Variants in TMTC2 observed in about 807,000 individuals in gnomAD.
TMTC2 encodes the protein protein O-mannosyl-transferase TMTC2.
TMTC2 carries 43 observed loss-of-function variants against 82.4 expected under a neutral mutation model. The observed-to-expected ratio is 0.52, with a 90% CI of 0.41 to 0.67. TMTC2 has a LOEUF of 0.67. Ranked by LOEUF, TMTC2 falls within the 30% of genes least tolerant of loss-of-function variation. TMTC2 has a pLI of 0.00. For synonymous variants in TMTC2, 408 were observed against 381.9 expected (o/e 1.07, Z -0.80); for missense variants, 919 against 1,012.4 (o/e 0.91, Z 1.25).
At chr12:82,806,856 G>A (rs934352694) in intron 1 of TMTC2, among the ~76,000 whole-genome samples, 1 of 152,086 alleles carries the variant, frequency 6.6e-6, no homozygotes, top group African/African-American at 2.4e-5. Flanking sequence ...AAGAAAATCT[G>A]TATAAGTGGA....
At chr12:82,976,783 T>C (rs1878694081) in intron 7 of TMTC2, among the ~76,000 whole-genome samples, 1 of 152,084 alleles carries the variant, frequency 6.6e-6, no homozygotes, top group African/African-American at 2.4e-5. Flanking sequence ...TTTCTAGTAG[T>C]GTTTCTAATG....
intron 8 of TMTC2, among the ~76,000 whole-genome samples, chr12:82,987,419 C>CAAAA (rs1236293175): frequency 2.8e-5 from 1 of 35,598 alleles, no homozygotes; most frequent in African/African-American, 1.0e-4. Flanking sequence ...GACTCCATCT[C>CAAAA]AAAAAAAAAA....
chr12:82,688,463 G>A (rs780371613), intron 1 of TMTC2, among the ~76,000 whole-genome samples: 4 of 152,120 alleles, frequency 2.6e-5, no homozygotes, highest in Non-Finnish European at 5.9e-5. Context: ...ATCGATTTCT[G>A]GAAAATGTCA....
chr12:83,090,118 C>T lies in TMTC2; in HGVS notation c.2331+28287C>T, dbSNP rs532735267. ...TCATAATATTCCATGAGATTGTTAA[C>T]TGTAGTTTGGATGTTTTAAGTGTGG... On this transcript the variant is annotated intron_variant, in intron 11 of 11. Coordinates refer to ENST00000321196, the MANE Select transcript of TMTC2 (RefSeq NM_152588.3). 3.3e-5 allele frequency among the ~76,000 whole-genome samples: 5 copies of T among 152,252 alleles called. No individual in the cohort carries two copies. The South Asian group carries it at 8.3e-4, about 25-fold the overall frequency.
At chr12:82,694,561 T>C (rs536596761) in intron 1 of TMTC2, among the ~76,000 whole-genome samples, 2 of 152,288 alleles carry the variant, frequency 1.3e-5, no homozygotes, top group Admixed American at 1.3e-4. Context: ...GATGTTGCAG[T>C]GAGACATGGT....
At chr12:82,728,103 T>C (rs891240953) in intron 1 of TMTC2, among the ~76,000 whole-genome samples, 1 of 127,580 alleles carries the variant, frequency 7.8e-6, no homozygotes, top group Admixed American at 7.9e-5. Context: ...ATGCACACAT[T>C]AGAATTGCGC....
chr12:82,846,273 G>A (rs1465446551), intron 1 of TMTC2, among the ~76,000 whole-genome samples: 2 of 152,028 alleles, frequency 1.3e-5, no homozygotes, highest in East Asian at 1.9e-4. Flanking sequence ...CAGGAGAATC[G>A]CTTGAACCCA....
At chr12:83,041,516 T>C (rs1378374718) in intron 9 of TMTC2, among the ~76,000 whole-genome samples, 1 of 152,032 alleles carries the variant, frequency 6.6e-6, no homozygotes, top group East Asian at 1.9e-4. Flanking sequence ...AAAAACAATA[T>C]CCTGGAGAAT....
At chr12:83,050,575 C>T (rs1366505097) in intron 9 of TMTC2, among the ~76,000 whole-genome samples, 3 of 151,966 alleles carry the variant, frequency 2.0e-5, no homozygotes, top group Non-Finnish European at 4.4e-5. Flanking sequence ...ACATATGCGT[C>T]AGAGACAGGA....
chr12:82,820,638 G>C (rs544869659), intron 1 of TMTC2, among the ~76,000 whole-genome samples: 2 of 152,214 alleles, frequency 1.3e-5, no homozygotes, highest in South Asian at 4.1e-4. Flanking sequence ...GCCTCCCAAA[G>C]TGCTGGGATT....
intron 8 of TMTC2, among the ~76,000 whole-genome samples, chr12:83,021,342 T>A (rs1216938792): frequency 6.6e-6 from 1 of 152,140 alleles, no homozygotes; most frequent in East Asian, 1.9e-4. Flanking sequence ...CTCCACTACA[T>A]AGGCACCTTC....
chr12:82,820,914 G>T (rs1370643710), intron 1 of TMTC2, among the ~76,000 whole-genome samples: 2 of 151,874 alleles, frequency 1.3e-5, no homozygotes, highest in Admixed American at 6.6e-5. Flanking sequence ...GTCTCACTCT[G>T]TTGCCTAGGC....
chr12:83,072,874 G>A (rs745854118), intron 11 of TMTC2, among the ~76,000 whole-genome samples: 4 of 151,946 alleles, frequency 2.6e-5, no homozygotes, highest in Non-Finnish European at 5.9e-5. Context: ...ACCGCTTTAA[G>A]TTTATGTGAG....
At chr12:82,766,909 C>T (rs1592504716) in intron 1 of TMTC2, among the ~76,000 whole-genome samples, 1 of 152,326 alleles carries the variant, frequency 6.6e-6, no homozygotes, top group East Asian at 1.9e-4. Context: ...AGCAATTCTT[C>T]TGCCTCAGCC....
intron 11 of TMTC2, among the ~76,000 whole-genome samples, chr12:83,091,120 G>A (rs1277061407): frequency 6.6e-6 from 1 of 152,006 alleles, no homozygotes; most frequent in Non-Finnish European, 1.5e-5. Flanking sequence ...ACTTCATGCT[G>A]TTCTCCTCCT....
chr12:82,849,513 G>A (rs1870860496), intron 1 of TMTC2, among the ~76,000 whole-genome samples: 1 of 152,062 alleles, frequency 6.6e-6, no homozygotes, highest in Non-Finnish European at 1.5e-5. Context: ...AGATATAGGA[G>A]CAAAACCATA....
intron 11 of TMTC2, among the ~76,000 whole-genome samples, chr12:83,081,794 T>A (rs1311984185): frequency 2.0e-5 from 3 of 152,064 alleles, no homozygotes; most frequent in Non-Finnish European, 4.4e-5. Flanking sequence ...ATCCTAGCAC[T>A]TTGGGAGGCC....
intron 11 of TMTC2, among the ~76,000 whole-genome samples, chr12:83,122,220 T>C (rs570481821): frequency 6.6e-6 from 1 of 151,960 alleles, no homozygotes; most frequent in Non-Finnish European, 1.5e-5. Flanking sequence ...CAGGCAGGGC[T>C]GAGAACTTAC....
intron 1 of TMTC2, among the ~76,000 whole-genome samples, chr12:82,844,948 C>T (rs1300492076): frequency 6.6e-6 from 1 of 151,526 alleles, no homozygotes; most frequent in Non-Finnish European, 1.5e-5. Flanking sequence ...CTGTAAGGGG[C>T]CGGGTGCGGT....
Sources: gnomAD v4.1 joint callset for allele counts (sites outside exome capture counted in the v4.1 genomes callset) on GRCh38, gnomAD v4.1.1 for gene constraint, MANE v1.5 for transcripts, NCBI Gene and HGNC (gene_info 2026-07-23, HGNC 2026-07-21) for gene names.